Variants in MYO1B observed in about 807,000 individuals in gnomAD.
MYO1B encodes myosin IB, also known as unconventional myosin-Ib.
Under a neutral mutation model 159.7 loss-of-function variants are expected in MYO1B, and 72 were observed. The observed-to-expected ratio is 0.45, with a 90% CI of 0.37 to 0.55. The LOEUF (loss-of-function observed/expected upper bound fraction) is 0.55, where lower values mean the gene tolerates loss of function less well. Among genes scored for constraint, MYO1B ranks in the 20% least tolerant of loss-of-function variants. MYO1B has a pLI of 0.00. For synonymous variants in MYO1B, 468 were observed against 473.8 expected, an observed-to-expected ratio of 0.99 and a Z score of 0.16; for missense variants, 1,062 against 1,364.8, an observed-to-expected ratio of 0.78 and a Z score of 3.50.
Position 191,424,003 on chromosome 2 carries a change from T to C in MYO1B, c.*43T>C. ...CTTTCATGGACTTGTTCCTTTGTAATAGTGCAATTTGGTTTTGTTTTATTT... is the reference window on the plus strand; with the variant it reads ...CTTTCATGGACTTGTTCCTTTGTAACAGTGCAATTTGGTTTTGTTTTATTT... On this transcript the variant is annotated 3_prime_UTR_variant, in exon 31 of 31. Coordinates refer to ENST00000392318, the MANE Select transcript of MYO1B (RefSeq NM_001130158.3). 1 of 1,574,336 alleles carries C rather than the reference T, an allele frequency of 6.4e-7. No individual in the cohort carries two copies. The highest frequency in any genetic ancestry group is 8.6e-7 in the Non-Finnish European group (1 of 1,161,062).
At chr2:191,411,897 A>T (rs941001612) in intron 27 of MYO1B, among the ~76,000 whole-genome samples, 3 of 152,240 alleles carry the variant, frequency 2.0e-5, no homozygotes, top group African/African-American at 7.2e-5. Context: ...AGATTGTACA[A>T]TTTCAAGCCA....
At chr2:191,265,088 A>G (rs1211171139) in intron 1 of MYO1B, among the ~76,000 whole-genome samples, 1 of 151,956 alleles carries the variant, frequency 6.6e-6, no homozygotes, top group Non-Finnish European at 1.5e-5. Flanking sequence ...TTCTGGAGGG[A>G]TAATTTTCTT....
chr2:191,277,300 G>C (rs1349314538), intron 2 of MYO1B, among the ~76,000 whole-genome samples: 5 of 152,192 alleles, frequency 3.3e-5, no homozygotes, highest in Non-Finnish European at 5.9e-5. Context: ...ACTGCCCTCT[G>C]AGGAATTTAG....
intron 6 of MYO1B, among the ~76,000 whole-genome samples, chr2:191,346,889 G>A (rs776708305): frequency 8.5e-5 from 13 of 152,204 alleles, no homozygotes; most frequent in Non-Finnish European, 1.8e-4. Context: ...TCCCTGGCCT[G>A]TGCCTTGCAT....
intron 20 of MYO1B, among the ~76,000 whole-genome samples, chr2:191,394,709 G>A (rs567114627): frequency 6.6e-6 from 1 of 152,134 alleles, no homozygotes; most frequent in Non-Finnish European, 1.5e-5. Flanking sequence ...CCATTTGATC[G>A]GAAGGATGAG....
At chr2:191,421,021 T>C (rs1445063954) in intron 30 of MYO1B, among the ~76,000 whole-genome samples, 1 of 152,110 alleles carries the variant, frequency 6.6e-6, no homozygotes, top group Non-Finnish European at 1.5e-5. Flanking sequence ...CAGTGTGGTA[T>C]GTAGCAAATC....
intron 19 of MYO1B, among the ~76,000 whole-genome samples, chr2:191,392,840 T>C (rs536759731): frequency 6.6e-6 from 1 of 152,352 alleles, no homozygotes; most frequent in African/African-American, 2.4e-5. Flanking sequence ...CTCTCTGATT[T>C]GTCATAAATT....
intron 29 of MYO1B, 117 bp from the exon 30 acceptor site, chr2:191,415,998 A>G (rs937310160): frequency 1.7e-6 from 2 of 1,164,318 alleles, no homozygotes; most frequent in South Asian, 3.1e-5. Context: ...CCTTGGGAGA[A>G]TGGATTCCAG....
At chr2:191,398,500 C>T (rs1696347706) in intron 21 of MYO1B, among the ~76,000 whole-genome samples, 2 of 150,558 alleles carry the variant, frequency 1.3e-5, no homozygotes, top group Non-Finnish European at 3.0e-5. Context: ...AGGGGCTCCT[C>T]ACTTCTCAGA....
At position 191,414,047 on chromosome 2, in the gene MYO1B, G is replaced by A; in HGVS notation, c.2874-1G>A. On this transcript the variant is annotated splice_acceptor_variant, in intron 27 of 30. Coordinates refer to ENST00000392318, the MANE Select transcript of MYO1B (RefSeq NM_001130158.3). LOFTEE classifies it high-confidence loss of function. ...AATGTGCAGGAATTTTTTTCCTTTA[G>A]TGTTGGGCAACCATTCCAAGGGGCT... The A allele has an allele frequency of 6.3e-7, 1 of 1,591,070 alleles. No homozygotes were observed. Among genetic ancestry groups the A allele is most frequent in the Non-Finnish European group, 8.5e-7 (1 of 1,171,404 alleles).
intron 30 of MYO1B, 148 bp from the exon 31 acceptor site, chr2:191,423,689 G>A (rs1428741524): frequency 4.3e-6 from 3 of 703,428 alleles, no homozygotes; most frequent in African/African-American, 3.6e-5. Flanking sequence ...ACATTTCAGA[G>A]TTTGGAGGTT....
chr2:191,341,612 T>G, intron 5 of MYO1B, 47 bp downstream of exon 5: 1 of 1,473,426 alleles, frequency 6.8e-7, no homozygotes, highest in Non-Finnish European at 9.5e-7. Flanking sequence ...AAACAGTAGA[T>G]TGAGTTATGT....
rs10646926 is a variant in MYO1B, at chr2:191,344,829, CAAAAAAAAAA to C, written c.452-1394_452-1385del. 2.5e-4 allele frequency among the ~76,000 whole-genome samples: 14 copies of C among 56,158 alleles called. No homozygotes were observed. The South Asian group carries it at 4.9e-3, about 20-fold the overall frequency. The allele number at this position is 56,158 out of a possible 152,430, so 36.8% of individuals were successfully genotyped here. On this transcript the variant is annotated intron_variant, in intron 5 of 30. Transcript: ENST00000392318. ...TGGGCGACAGAGCGAGACTCCGTCT[CAAAAAAAAAA>C]AAAAAAAAAAAAGAATCAAAAACAC...
chr2:191,400,287 T>TG, intron 21 of MYO1B, 95 bp from the exon 22 acceptor site: 1 of 1,276,894 alleles, frequency 7.8e-7, no homozygotes, highest in Non-Finnish European at 1.1e-6. Flanking sequence ...ATAGCATGGG[T>TG]GTTAGGACGA....
intron 24 of MYO1B, among the ~76,000 whole-genome samples, chr2:191,405,292 A>G (rs550283658): frequency 2.3e-4 from 35 of 152,206 alleles, no homozygotes; most frequent in South Asian, 6.2e-4. Context: ...AGTTGTTACT[A>G]TATCTGCCAC....
chr2:191,327,127 A>G (rs1691150598), intron 3 of MYO1B, among the ~76,000 whole-genome samples: 1 of 152,164 alleles, frequency 6.6e-6, no homozygotes, highest in Non-Finnish European at 1.5e-5. Context: ...TTCCTACATG[A>G]AGGTCATAGA....
chr2:191,345,941 C>T (rs1413539768), intron 5 of MYO1B, among the ~76,000 whole-genome samples: 1 of 152,122 alleles, frequency 6.6e-6, no homozygotes, highest in East Asian at 1.9e-4. Context: ...TGACTACTCT[C>T]TAGAAGTGTT....
intron 26 of MYO1B, 109 bp downstream of exon 26, chr2:191,409,287 G>A: frequency 1.6e-6 from 2 of 1,229,476 alleles, no homozygotes; most frequent in Non-Finnish European, 2.3e-6. Flanking sequence ...CCTCAAAGAG[G>A]ATTACTTGAG....
chr2:191,279,301 G>A (rs909437262), intron 2 of MYO1B, among the ~76,000 whole-genome samples: 1 of 152,180 alleles, frequency 6.6e-6, no homozygotes, highest in African/African-American at 2.4e-5. Flanking sequence ...ACAAGAGATT[G>A]TAAAGTAATG....
Sources: gnomAD v4.1 joint callset for allele counts (sites outside exome capture counted in the v4.1 genomes callset) on GRCh38, gnomAD v4.1.1 for gene constraint, MANE v1.5 for transcripts, NCBI Gene and HGNC (gene_info 2026-07-23, HGNC 2026-07-21) for gene names.